XYLT1: variants seen among roughly 807,000 people sequenced by gnomAD.
XYLT1 encodes the protein beta-D-xylosyltransferase 1.
XYLT1 carries 36 observed loss-of-function variants against 91.3 expected under a neutral mutation model. That is an observed-to-expected ratio of 0.39 (90% confidence interval 0.30 to 0.52). XYLT1 has a LOEUF of 0.52. XYLT1 is among the 20% of genes least tolerant of loss of function. The pLI is 0.68. For missense variants in XYLT1, 1,242 were observed against 1,284.5 expected (o/e 0.97, Z 0.51); for synonymous variants, 588 against 532.0 (o/e 1.11, Z -1.45).
chr16:17,425,331 G>A (rs1040276468), intron 1 of XYLT1, among the ~76,000 whole-genome samples: 1 of 152,112 alleles, frequency 6.6e-6, no homozygotes, highest in South Asian at 2.1e-4. Context: ...CCAGAAGGCT[G>A]CTCATTAACA....
At chr16:17,192,005 C>T (rs1431319803) in intron 5 of XYLT1, among the ~76,000 whole-genome samples, 1 of 151,906 alleles carries the variant, frequency 6.6e-6, no homozygotes, top group Non-Finnish European at 1.5e-5. Flanking sequence ...AGGACACACT[C>T]AACCCTCCTC....
At chr16:17,112,647 A>C (rs577942147) in intron 11 of XYLT1, among the ~76,000 whole-genome samples, 14 of 152,280 alleles carry the variant, frequency 9.2e-5, no homozygotes, top group Middle Eastern at 3.4e-3. Flanking sequence ...AACTAGATCA[A>C]GAAGGAACCT....
Position 17,141,211 on chromosome 16 carries a change from G to T in XYLT1, c.1529C>A (p.Thr510Lys). The change falls in exon 7 of 12, where the codon ACA (threonine) becomes AAA (lysine). Residue 510 changes from threonine (T) to lysine (K), a missense_variant. This residue lies in a region of XYLT1 where 294 missense variants were observed against 376.0 expected (regional missense o/e 0.78). Coordinates refer to ENST00000261381, the MANE Select transcript of XYLT1 (RefSeq NM_022166.4). ...RRFVEYVTFS[T>K]DDLVTKMKQF... ...TTTCATCTTGGTCACCAGATCGTCT[G>T]TGGAGAAGGTCACATATTCTACAAA... 6.2e-7 allele frequency: 1 copy of T among 1,614,236 alleles called. No individual in the cohort carries two copies. The highest frequency in any genetic ancestry group is 2.2e-5 in the East Asian group (1 of 44,888).
chr16:17,276,856 G>A (rs1256896752), intron 2 of XYLT1, among the ~76,000 whole-genome samples: 1 of 152,128 alleles, frequency 6.6e-6, no homozygotes, highest in South Asian at 2.1e-4. Flanking sequence ...TTCCTCCTAC[G>A]TAAACTATCT....
intron 5 of XYLT1, among the ~76,000 whole-genome samples, chr16:17,162,409 CA>C (rs5815946): frequency 8.6e-5 from 12 of 139,002 alleles, no homozygotes; most frequent in Non-Finnish European, 7.7e-5. Flanking sequence ...GACTCTGTCT[CA>C]AAAAAAAAAA....
At chr16:17,170,051 C>T (rs1034869448) in intron 5 of XYLT1, among the ~76,000 whole-genome samples, 1 of 152,178 alleles carries the variant, frequency 6.6e-6, no homozygotes, top group African/African-American at 2.4e-5. Context: ...GCTCACTGAG[C>T]CTTGGTTTTC....
intron 5 of XYLT1, among the ~76,000 whole-genome samples, chr16:17,180,233 T>A (rs1212485767): frequency 2.0e-5 from 3 of 152,226 alleles, no homozygotes; most frequent in African/African-American, 7.2e-5. Context: ...TCTGAGACAC[T>A]GCCCCAATTC....
intron 5 of XYLT1, among the ~76,000 whole-genome samples, chr16:17,181,769 A>C (rs1410010298): frequency 6.6e-6 from 1 of 151,296 alleles, no homozygotes; most frequent in Non-Finnish European, 1.5e-5. Flanking sequence ...TTTTTTTTTT[A>C]ATGTTTCTTG....
chr16:17,313,288 C>T (rs2034577980), intron 2 of XYLT1, among the ~76,000 whole-genome samples: 1 of 152,220 alleles, frequency 6.6e-6, no homozygotes, highest in African/African-American at 2.4e-5. Context: ...CAGCCCTCCG[C>T]CAACCTCCAG....
chr16:17,347,587 GGC>G (rs1456983926), intron 2 of XYLT1, among the ~76,000 whole-genome samples: 1 of 152,134 alleles, frequency 6.6e-6, no homozygotes. Flanking sequence ...TCCACCGTTG[GGC>G]ATTCAGTTTC....
chr16:17,331,958 A>T (rs929256472), intron 2 of XYLT1, among the ~76,000 whole-genome samples: 5 of 152,210 alleles, frequency 3.3e-5, no homozygotes, highest in African/African-American at 1.2e-4. Context: ...GTGCCTGCCT[A>T]TCCCTGGAGA....
intron 2 of XYLT1, among the ~76,000 whole-genome samples, chr16:17,348,298 G>A (rs749392553): frequency 1.3e-4 from 20 of 152,156 alleles, no homozygotes; most frequent in Admixed American, 3.3e-4. Flanking sequence ...CTGAGCAGCA[G>A]AGGAATCCTG....
intron 2 of XYLT1, among the ~76,000 whole-genome samples, chr16:17,353,410 T>C (rs952046431): frequency 2.6e-5 from 4 of 152,320 alleles, no homozygotes; most frequent in South Asian, 4.1e-4. Context: ...ACCTTGCCAG[T>C]TGGAGTGGAT....
chr16:17,108,859 G>A lies in XYLT1; in HGVS notation c.2716C>T (p.Leu906=). Residue 906 remains leucine (L), a synonymous_variant, in exon 12 of 12, where the codon CTG becomes TTG. Transcript: ENST00000261381. ...ASTGTALEGW[L]DSLVGGMWTA... ...CACATCCCGCCCACCAACGAGTCCA[G>A]CCATCCCTCCAGCGCTGTGCCCGTG... 1.2e-6 allele frequency: 2 copies of A among 1,613,306 alleles called. No individual in the cohort carries two copies. Among genetic ancestry groups the A allele is most frequent in the Non-Finnish European group, 8.5e-7 (1 of 1,179,898 alleles).
intron 2 of XYLT1, among the ~76,000 whole-genome samples, chr16:17,337,005 G>A (rs535158009): frequency 2.0e-5 from 3 of 152,226 alleles, no homozygotes; most frequent in Non-Finnish European, 2.9e-5. Context: ...TTGTAAGATC[G>A]TATGTAACCC....
chr16:17,415,075 G>A (rs542509095), intron 1 of XYLT1, among the ~76,000 whole-genome samples: 6 of 152,242 alleles, frequency 3.9e-5, no homozygotes, highest in Admixed American at 2.0e-4. Context: ...TCACAGGGGC[G>A]GAATGATGTT....
At chr16:17,173,799 A>G (rs75230915) in intron 5 of XYLT1, among the ~76,000 whole-genome samples, 16,175 of 152,266 alleles carry the variant, frequency 0.11, 994 homozygotes, top group African/African-American at 0.15. Flanking sequence ...TCTACTCCTT[A>G]ATCCTTGCGG....
chr16:17,266,720 G>A (rs1034503561), intron 2 of XYLT1, among the ~76,000 whole-genome samples: 2 of 152,216 alleles, frequency 1.3e-5, no homozygotes, highest in African/African-American at 2.4e-5. Context: ...CCATGTGCAC[G>A]CACAGCCGGC....
chr16:17,402,018 G>T (rs1443698762), intron 1 of XYLT1, among the ~76,000 whole-genome samples: 1 of 152,112 alleles, frequency 6.6e-6, no homozygotes, highest in East Asian at 1.9e-4. Context: ...GTGTTTCTAG[G>T]CTGAGCGTGG....
Sources: allele counts gnomAD v4.1 joint callset (sites outside exome capture counted in the v4.1 genomes callset), GRCh38; gene constraint gnomAD v4.1.1; regional missense constraint gnomAD v4.1.1; transcripts MANE v1.5; gene names NCBI Gene and HGNC (gene_info 2026-07-23, HGNC 2026-07-21).